FARS2: variants seen among roughly 807,000 people sequenced by gnomAD.
The protein encoded by FARS2 is phenylalanine--tRNA ligase, mitochondrial.
FARS2 carries 40 observed loss-of-function variants against 46.4 expected under a neutral mutation model. That is an observed-to-expected ratio of 0.86 (90% CI 0.67 to 1.12). The LOEUF is 1.12. FARS2 is among the 50% of genes most tolerant of loss of function. The pLI, the probability that FARS2 is intolerant of heterozygous loss-of-function variation, is 0.00. For missense variants in FARS2, 513 were observed against 567.9 expected, an observed-to-expected ratio of 0.90 and a Z score of 0.98; for synonymous variants, 234 against 214.9, an observed-to-expected ratio of 1.09 and a Z score of -0.78.
intron 1 of FARS2, among the ~76,000 whole-genome samples, chr6:5,329,555 C>T (rs991478381): frequency 1.4e-4 from 22 of 152,048 alleles, no homozygotes; most frequent in African/African-American, 5.3e-4. Flanking sequence ...TGGGGTTAGC[C>T]CAGACCCCAC....
At position 5,748,666 on chromosome 6, in the gene FARS2, A is replaced by C. The variant is rs936941145; in HGVS notation, c.1218-22625A>C. Among the ~76,000 whole-genome samples, 2 of 152,258 alleles carry C rather than the reference A, an allele frequency of 1.3e-5. 1 individual carries two copies. Among genetic ancestry groups the C allele is most frequent in the African/African-American group, 4.8e-5 (2 of 41,474 alleles). On this transcript the variant is annotated intron_variant, in intron 6 of 6. Transcript: ENST00000274680. ...GAGGCTGAGTAACTCGTTCAAAGAC[A>C]CACTACTAGTCAGTGACAGAGCCTG... is the stretch of plus-strand genomic sequence containing the variant.
At chr6:5,444,194 T>C (rs921813045) in intron 4 of FARS2, among the ~76,000 whole-genome samples, 22 of 151,746 alleles carry the variant, frequency 1.4e-4, no homozygotes, top group Middle Eastern at 6.8e-3. Flanking sequence ...GCAGGCTGGG[T>C]GCAATGGCTC....
intron 1 of FARS2, among the ~76,000 whole-genome samples, chr6:5,267,125 T>A (rs1215123583): frequency 6.6e-6 from 1 of 150,438 alleles, no homozygotes; most frequent in Non-Finnish European, 1.5e-5. Context: ...GTAAAGTATT[T>A]CAAATGTCAG....
chr6:5,534,968 AC>A (rs1243783185), intron 4 of FARS2, among the ~76,000 whole-genome samples: 1 of 148,766 alleles, frequency 6.7e-6, no homozygotes. Flanking sequence ...CAGCCGCGCT[AC>A]TTTACATTCT....
chr6:5,543,183 C>A (rs186777382), intron 4 of FARS2, among the ~76,000 whole-genome samples: 1 of 152,148 alleles, frequency 6.6e-6, no homozygotes, highest in Non-Finnish European at 1.5e-5. Flanking sequence ...AGCTTATAGC[C>A]TGTGTTCCCA....
At chr6:5,756,307 C>CTCTTACATATTGTATTAG (rs1439002492) in intron 6 of FARS2, among the ~76,000 whole-genome samples, 2 of 152,204 alleles carry the variant, frequency 1.3e-5, no homozygotes, top group African/African-American at 2.4e-5. Flanking sequence ...AAAGTCACTA[C>CTCTTACATATTGTATTAG]TCTTACATAT....
intron 5 of FARS2, among the ~76,000 whole-genome samples, chr6:5,547,393 A>G (rs1771099619): frequency 1.4e-5 from 2 of 145,644 alleles, no homozygotes; most frequent in African/African-American, 5.2e-5. Context: ...TTTTTTTTTA[A>G]TTGTGTTTGA....
At chr6:5,365,317 C>CTTTTTTTTTTTTTTTTTTTTTTTTT (rs61097603) in intron 1 of FARS2, among the ~76,000 whole-genome samples, 1 of 42,492 alleles carries the variant, frequency 2.4e-5, no homozygotes, top group Non-Finnish European at 4.2e-5. Flanking sequence ...AGTATACTTT[C>CTTTTTTTTTTTTTTTTTTTTTTTTT]TTTTTTTTTT....
intron 4 of FARS2, among the ~76,000 whole-genome samples, chr6:5,439,346 C>G (rs1197265231): frequency 6.6e-6 from 1 of 152,220 alleles, no homozygotes; most frequent in Non-Finnish European, 1.5e-5. Flanking sequence ...CTCGCAGAAT[C>G]CCTTTATCTG....
At chr6:5,519,706 C>T (rs1769016878) in intron 4 of FARS2, among the ~76,000 whole-genome samples, 1 of 152,120 alleles carries the variant, frequency 6.6e-6, no homozygotes, top group African/African-American at 2.4e-5. Context: ...AGTCCAGTCC[C>T]CTGTGCGATT....
rs982304419 is a variant in FARS2 at position 5,727,837 on chromosome 6, C to G, written c.1218-43454C>G. Among the ~76,000 whole-genome samples the G allele has an allele frequency of 2.0e-5, 3 of 152,128 alleles. No individual in the cohort carries two copies. The highest frequency in any genetic ancestry group is 4.4e-5 in the Non-Finnish European group (3 of 68,022). Reference sequence around the variant, plus strand: ...GTCCCCAGCACTTGGATATGTAATGCGAGGGATACCAACAGACTGATTTCT... The same window carrying G: ...GTCCCCAGCACTTGGATATGTAATGGGAGGGATACCAACAGACTGATTTCT... On this transcript the variant is annotated intron_variant, in intron 6 of 6. Transcript: ENST00000274680. This position sits in a 1 kb window ranked among gnomAD's most constrained non-coding sequence, Gnocchi z 4.1.
intron 3 of FARS2, among the ~76,000 whole-genome samples, chr6:5,419,035 C>T (rs1762399264): frequency 6.6e-6 from 1 of 151,978 alleles, no homozygotes; most frequent in Non-Finnish European, 1.5e-5. Context: ...TCTCATTCCC[C>T]TCTTCGCCTT....
intron 6 of FARS2, among the ~76,000 whole-genome samples, chr6:5,760,670 C>G (rs1288984002): frequency 6.6e-6 from 1 of 152,236 alleles, no homozygotes; most frequent in Non-Finnish European, 1.5e-5. Context: ...ACTCTACCGT[C>G]TGTACACGCA....
chr6:5,573,670 T>A (rs555191916), intron 5 of FARS2, among the ~76,000 whole-genome samples: 1 of 152,324 alleles, frequency 6.6e-6, no homozygotes, highest in Admixed American at 6.5e-5. Flanking sequence ...CCATTGCCCT[T>A]TGTTTATTCA....
chr6:5,555,999 A>G (rs1219095768), intron 5 of FARS2, among the ~76,000 whole-genome samples: 1 of 152,106 alleles, frequency 6.6e-6, no homozygotes, highest in Admixed American at 6.5e-5. Flanking sequence ...TCCATGTTAA[A>G]TGTTATTTAC....
At chr6:5,545,428 T>A in intron 5 of FARS2, 88 bp downstream of exon 5, 3 of 878,384 alleles carry the variant, frequency 3.4e-6, no homozygotes, top group Non-Finnish European at 5.0e-6. Flanking sequence ...CCACTGAATT[T>A]TATTTTATTT....
intron 1 of FARS2, among the ~76,000 whole-genome samples, chr6:5,317,886 A>G (rs1309818198): frequency 6.6e-6 from 1 of 152,046 alleles, no homozygotes; most frequent in Non-Finnish European, 1.5e-5. Flanking sequence ...GCATCCAGGA[A>G]ACGGGTCCCT....
At chr6:5,759,966 T>C (rs1762399834) in intron 6 of FARS2, among the ~76,000 whole-genome samples, 1 of 152,206 alleles carries the variant, frequency 6.6e-6, no homozygotes, top group Admixed American at 6.5e-5. Context: ...CAGCCTAGAA[T>C]ATTGTAGACG....
chr6:5,634,939 A>G (rs779420118), intron 6 of FARS2, among the ~76,000 whole-genome samples: 3 of 152,006 alleles, frequency 2.0e-5, no homozygotes, highest in Non-Finnish European at 4.4e-5. Context: ...ATTCCCTCTT[A>G]TTTCTTAATG....
Sources: gnomAD v4.1 joint callset for allele counts (sites outside exome capture counted in the v4.1 genomes callset) on GRCh38, gnomAD v4.1.1 for gene constraint, Gnocchi (gnomAD v3.1) non-coding constraint, MANE v1.5 for transcripts, NCBI Gene and HGNC (gene_info 2026-07-23, HGNC 2026-07-21) for gene names.